Variants in PCMT1 observed in about 807,000 individuals in gnomAD.
The protein encoded by PCMT1 is protein-L-isoaspartate (D-aspartate) O-methyltransferase, also known as protein-L-isoaspartate(D-aspartate) O-methyltransferase.
In PCMT1, 9 loss-of-function variants were observed where a neutral mutation model predicts 29.2. That is an observed-to-expected ratio of 0.31 (90% CI 0.19 to 0.54). PCMT1 has a LOEUF of 0.54. Ranked by LOEUF, PCMT1 falls within the 20% of genes least tolerant of loss-of-function variation. PCMT1 has a pLI of 0.95. For missense variants in PCMT1, 184 were observed against 282.2 expected, an observed-to-expected ratio of 0.65 and a Z score of 2.49; for synonymous variants, 98 against 97.5, an observed-to-expected ratio of 1.00 and a Z score of -0.03.
At chr6:149,785,733 C>T (rs913130582) in intron 3 of PCMT1, among the ~76,000 whole-genome samples, 10 of 151,564 alleles carry the variant, frequency 6.6e-5, no homozygotes, top group Non-Finnish European at 1.5e-4. Flanking sequence ...GGTAAGGTCA[C>T]AGATCAACAG....
intron 3 of PCMT1, among the ~76,000 whole-genome samples, chr6:149,785,313 G>C (rs1420453360): frequency 3.6e-4 from 47 of 132,180 alleles, no homozygotes; most frequent in Admixed American, 1.7e-3. Flanking sequence ...CCATGGAATA[G>C]GGCATTTTCG....
chr6:149,809,684 CTTTAATT>C (rs61092247), intron 7 of PCMT1, among the ~76,000 whole-genome samples: 1,974 of 152,190 alleles, frequency 0.013, 48 homozygotes, highest in African/African-American at 0.045. Flanking sequence ...AAACTTTTAA[CTTTAATT>C]TTTATTGCCA....
At chr6:149,801,689 C>G (rs1775831693) in intron 6 of PCMT1, among the ~76,000 whole-genome samples, 2 of 152,230 alleles carry the variant, frequency 1.3e-5, no homozygotes, top group Admixed American at 1.3e-4. Context: ...CTCAAGTGAT[C>G]TGCCCACCTT....
chr6:149,786,590 T>A (rs1190513456), intron 3 of PCMT1, among the ~76,000 whole-genome samples: 2 of 122,718 alleles, frequency 1.6e-5, no homozygotes, highest in African/African-American at 3.8e-5. Flanking sequence ...GTCTCCTCAC[T>A]TCTCAGATGG....
At chr6:149,753,978 G>A (rs1468256639) in intron 1 of PCMT1, among the ~76,000 whole-genome samples, 2 of 152,200 alleles carry the variant, frequency 1.3e-5, no homozygotes, top group African/African-American at 4.8e-5. Context: ...TGCTGGTCCA[G>A]GGACCACATT....
chr6:149,760,933 G>C (rs917220457), intron 1 of PCMT1, among the ~76,000 whole-genome samples: 1 of 152,088 alleles, frequency 6.6e-6, no homozygotes, highest in African/African-American at 2.4e-5. Flanking sequence ...GAACTTAATT[G>C]TAAGAGTTCA....
intron 3 of PCMT1, among the ~76,000 whole-genome samples, chr6:149,785,401 CTTTTTT>C: frequency 1.0e-5 from 1 of 95,956 alleles, no homozygotes; most frequent in East Asian, 3.1e-4. Context: ...TTATTCAGTT[CTTTTTT>C]TTTATTTTTA....
rs148296861 is a variant in PCMT1 at position 149,777,987 on chromosome 6, C to T, written c.192+4818C>T. Among the ~76,000 whole-genome samples, 527 of 149,908 alleles carry T rather than the reference C, an allele frequency of 3.5e-3. 4 individuals carry two copies. Among genetic ancestry groups the T allele is most frequent in the African/African-American group, 0.012 (489 of 40,724 alleles). On this transcript the variant is annotated intron_variant, in intron 3 of 7. Transcript: ENST00000464889. The stretch of plus-strand genomic sequence containing the variant: ...TGCCTCCCGGATTCAAGTGATTCTC[C>T]TGCCTCAGCCTCTCAGATAGCTGGG...
At chr6:149,760,037 G>A (rs1786675148) in intron 1 of PCMT1, among the ~76,000 whole-genome samples, 1 of 152,080 alleles carries the variant, frequency 6.6e-6, no homozygotes, top group South Asian at 2.1e-4. Flanking sequence ...AACATACCTG[G>A]TGTCTGATTG....
intron 1 of PCMT1, among the ~76,000 whole-genome samples, chr6:149,760,526 G>A (rs1786693100): frequency 6.6e-6 from 1 of 152,066 alleles, no homozygotes; most frequent in Non-Finnish European, 1.5e-5. Flanking sequence ...GGGGAGGTAA[G>A]CAGGAGAAAA....
chr6:149,802,505 C>T, intron 7 of PCMT1, 89 bp downstream of exon 7: 1 of 1,307,406 alleles, frequency 7.6e-7, no homozygotes, highest in Non-Finnish European at 9.8e-7. Context: ...GTCAGAAATT[C>T]ATTACATTAA....
At chr6:149,777,422 G>A (rs947317819) in intron 3 of PCMT1, among the ~76,000 whole-genome samples, 4 of 151,786 alleles carry the variant, frequency 2.6e-5, no homozygotes. Flanking sequence ...TGTTAAGTCA[G>A]GGACCATCTT....
intron 3 of PCMT1, among the ~76,000 whole-genome samples, chr6:149,782,125 G>A (rs1787839137): frequency 6.6e-6 from 1 of 152,050 alleles, no homozygotes; most frequent in Non-Finnish European, 1.5e-5. Context: ...CTGTTAATAA[G>A]GAAAACTTGT....
chr6:149,803,563 C>T (rs1775919633), intron 7 of PCMT1, among the ~76,000 whole-genome samples: 1 of 151,896 alleles, frequency 6.6e-6, no homozygotes, highest in Admixed American at 6.6e-5. Flanking sequence ...GACATCAGTA[C>T]ATAACAGTGC....
intron 1 of PCMT1, among the ~76,000 whole-genome samples, chr6:149,754,541 T>G (rs1786444218): frequency 1.3e-5 from 2 of 152,332 alleles, no homozygotes; most frequent in South Asian, 4.1e-4. Flanking sequence ...GGATGTTAAC[T>G]TAATGGATAG....
intron 1 of PCMT1, among the ~76,000 whole-genome samples, chr6:149,763,451 C>T (rs1786947656): frequency 6.6e-6 from 1 of 151,466 alleles, no homozygotes; most frequent in Admixed American, 6.6e-5. Context: ...TGGAAACCAC[C>T]CAGTAATGCC....
intron 4 of PCMT1, among the ~76,000 whole-genome samples, chr6:149,791,657 A>G (rs550131592): frequency 6.6e-6 from 1 of 152,206 alleles, no homozygotes; most frequent in Non-Finnish European, 1.5e-5. Context: ...CTAAACATCT[A>G]AAACAATGCC....
chr6:149,795,561 AAC>A, intron 5 of PCMT1: 1 of 509,234 alleles, frequency 2.0e-6, no homozygotes, highest in Admixed American at 2.6e-5. Context: ...CCGAGAACAC[AAC>A]TTTACACAAC....
intron 3 of PCMT1, among the ~76,000 whole-genome samples, chr6:149,776,919 A>G (rs116754912): frequency 1.2e-4 from 19 of 152,310 alleles, no homozygotes; most frequent in African/African-American, 3.4e-4. Context: ...AAATAAATAT[A>G]ACTTAGATTT....
Sources: gnomAD v4.1 joint callset for allele counts (sites outside exome capture counted in the v4.1 genomes callset) on GRCh38, gnomAD v4.1.1 for gene constraint, MANE v1.5 for transcripts, NCBI Gene and HGNC (gene_info 2026-07-23, HGNC 2026-07-21) for gene names.